The following KDM4C variants were observed in gnomAD, a reference collection of about 807,000 sequenced individuals.
KDM4C encodes lysine-specific demethylase 4C.
A neutral mutation model predicts 129.3 loss-of-function variants in KDM4C; 81 were observed. The observed-to-expected ratio is 0.63, with a 90% CI of 0.52 to 0.75. The LOEUF is 0.75. Ranked by LOEUF, KDM4C falls within the 30% of genes least tolerant of loss-of-function variation. KDM4C has a pLI of 0.00. For synonymous variants in KDM4C, 573 were observed against 456.1 expected, an observed-to-expected ratio of 1.26 and a Z score of -3.26; for missense variants, 1,457 against 1,304.0, an observed-to-expected ratio of 1.12 and a Z score of -1.81.
intron 8 of KDM4C, among the ~76,000 whole-genome samples, chr9:6,959,759 T>C (rs1267976292): frequency 6.6e-6 from 1 of 152,148 alleles, no homozygotes; most frequent in Non-Finnish European, 1.5e-5. Flanking sequence ...ATAAGTTGTT[T>C]ACACCAAATA....
intron 8 of KDM4C, among the ~76,000 whole-genome samples, chr9:6,966,348 A>T (rs1422019447): frequency 6.6e-6 from 1 of 152,126 alleles, no homozygotes; most frequent in Non-Finnish European, 1.5e-5. Flanking sequence ...GCGCCCAGCT[A>T]ATTTTTTGTA....
chr9:6,976,783 A>T (rs1823346815), intron 8 of KDM4C, among the ~76,000 whole-genome samples: 1 of 150,888 alleles, frequency 6.6e-6, no homozygotes, highest in African/African-American at 2.4e-5. Context: ...ATCCATTCCC[A>T]TTTCTTAAGG....
At chr9:7,043,991 T>C (rs1829003612) in intron 15 of KDM4C, among the ~76,000 whole-genome samples, 1 of 151,664 alleles carries the variant, frequency 6.6e-6, no homozygotes, top group Non-Finnish European at 1.5e-5. Context: ...ATACTCTCTA[T>C]TGGATATCAT....
At chr9:6,897,817 G>A (rs1816702470) in intron 8 of KDM4C, among the ~76,000 whole-genome samples, 2 of 152,150 alleles carry the variant, frequency 1.3e-5, no homozygotes, top group South Asian at 4.1e-4. Flanking sequence ...TTGAATGTTG[G>A]CATAACAGAG....
chr9:6,922,584 C>G (rs1589123864), intron 8 of KDM4C, among the ~76,000 whole-genome samples: 1 of 152,136 alleles, frequency 6.6e-6, no homozygotes, highest in African/African-American at 2.4e-5. Flanking sequence ...CCATCTCTAC[C>G]AAAAATACAA....
chr9:7,127,267 T>G (rs1840122737), intron 18 of KDM4C, among the ~76,000 whole-genome samples: 1 of 152,222 alleles, frequency 6.6e-6, no homozygotes, highest in Admixed American at 6.5e-5. Flanking sequence ...AAATTGTCTT[T>G]CACAGATTGC....
In KDM4C at chr9:7,148,322, G is replaced by A. The variant is rs532990762; in HGVS notation, c.2782-16916G>A. ...TTTCTCTCCTCCTTGCCCACAGTGC[G>A]GTGAGCCGGGGGGCCATGTTTCAGC... On this transcript the variant is annotated intron_variant, in intron 19 of 21. Coordinates refer to ENST00000381309, the MANE Select transcript of KDM4C (RefSeq NM_015061.6). Among the ~76,000 whole-genome samples the A allele has an allele frequency of 3.9e-5, 6 of 152,304 alleles. No homozygotes were observed. In the South Asian group the frequency reaches 6.2e-4, roughly 16 times the overall value.
At position 7,169,888 on chromosome 9, in the gene KDM4C, T is replaced by G; in HGVS notation, c.2992T>G (p.Phe998Val). The G allele has an allele frequency of 6.2e-7, 1 of 1,613,972 alleles. No individual in the cohort carries two copies. Among genetic ancestry groups the G allele is most frequent in the Non-Finnish European group, 8.5e-7 (1 of 1,179,904 alleles). Reference protein sequence around the residue: ...EELPKRVKARFSTASDMRFED... With the variant: ...EELPKRVKARVSTASDMRFED... The stretch of plus-strand genomic sequence containing the variant: ...GTTACCCAAGAGAGTGAAAGCTCGA[T>G]TTGTAAGTGCTGGCAGATGCCACTT... Residue 998 changes from phenylalanine (F) to valine (V), a missense_variant and splice_region_variant, in exon 21 of 22, where the codon TTT becomes GTT. Physicochemically the swap from Phe to Val is conservative, Grantham distance 50. Transcript: ENST00000381309.
At position 6,778,178 on chromosome 9, in the gene KDM4C, C is replaced by T. The variant is rs189937364; in HGVS notation, c.-17-14794C>T. Among the ~76,000 whole-genome samples, 671 of 151,724 alleles carry T rather than the reference C, an allele frequency of 4.4e-3. 3 individuals carry two copies. The highest frequency in any genetic ancestry group is 4.4e-3 in the Non-Finnish European group (301 of 67,928). On this transcript the variant is annotated intron_variant, in intron 1 of 21. Transcript: ENST00000381309. Reference sequence around the variant, plus strand: ...GATCTCGTCTTACTGCAACCTCTGCCTCCTGGGTTCAAGCAATTCTCCTGC... The same window carrying T: ...GATCTCGTCTTACTGCAACCTCTGCTTCCTGGGTTCAAGCAATTCTCCTGC...
intron 4 of KDM4C, chr9:6,835,355 G>A: frequency 9.5e-7 from 1 of 1,047,892 alleles, no homozygotes; most frequent in Non-Finnish European, 1.5e-6. Context: ...CTGTCTGGCG[G>A]CACCACCATG....
intron 2 of KDM4C, 34 bp from the exon 3 acceptor site, chr9:6,805,565 A>C: frequency 6.6e-7 from 1 of 1,505,272 alleles, no homozygotes; most frequent in Non-Finnish European, 9.1e-7. Flanking sequence ...GAGTATTTTC[A>C]AGATGATATT....
Position 6,807,655 on chromosome 9 carries a change from C to G in KDM4C, c.320+1881C>G, listed in dbSNP as rs545052265. Among the ~76,000 whole-genome samples, 8 of 149,384 alleles carry G rather than the reference C, an allele frequency of 5.4e-5. No individual in the cohort carries two copies. In the South Asian group the frequency reaches 1.7e-3, roughly 31 times the overall value. On this transcript the variant is annotated intron_variant, in intron 3 of 21. Transcript: ENST00000381309. ...GATACCCTCTGCCTGGCAACCACCC[C>G]GTCTGAGAAGTGAGGAGCCCATCCG...
chr9:6,814,390 T>G (rs980706317), intron 3 of KDM4C, among the ~76,000 whole-genome samples: 8 of 152,098 alleles, frequency 5.3e-5, no homozygotes, highest in Non-Finnish European at 1.2e-4. Context: ...CTGCTTCTAT[T>G]GTTGTTTTCG....
Position 6,933,318 on chromosome 9 carries a change from G to C in KDM4C, c.921+40086G>C, listed in dbSNP as rs1192064675. Reference sequence around the variant, plus strand: ...TCTGAAGGTGACATATTATGCCTAAGGGAAAGATAAATACCAGCATTACTT... The same window carrying C: ...TCTGAAGGTGACATATTATGCCTAACGGAAAGATAAATACCAGCATTACTT... On this transcript the variant is annotated intron_variant, in intron 8 of 21. Coordinates refer to ENST00000381309, the MANE Select transcript of KDM4C (RefSeq NM_015061.6). Among the ~76,000 whole-genome samples the C allele has an allele frequency of 2.6e-5, 4 of 152,288 alleles. No individual in the cohort carries two copies. The East Asian group carries it at 7.7e-4, about 29-fold the overall frequency.
chr9:6,916,995 A>G (rs1229759624), intron 8 of KDM4C, among the ~76,000 whole-genome samples: 1 of 152,196 alleles, frequency 6.6e-6, no homozygotes, highest in Non-Finnish European at 1.5e-5. Flanking sequence ...CTGCCTATTC[A>G]TATTCCACCC....
intron 15 of KDM4C, among the ~76,000 whole-genome samples, chr9:7,042,700 C>A (rs1323500067): frequency 6.6e-6 from 1 of 152,044 alleles, no homozygotes; most frequent in Non-Finnish European, 1.5e-5. Context: ...GCAGGCATTG[C>A]TTCTTGTTTA....
chr9:6,837,286 G>A (rs1400935791), intron 4 of KDM4C, among the ~76,000 whole-genome samples: 3 of 152,052 alleles, frequency 2.0e-5, no homozygotes, highest in Non-Finnish European at 4.4e-5. Flanking sequence ...CCAAACTCCT[G>A]GACTCAAGTG....
chr9:7,107,835 G>A (rs1037321067), intron 18 of KDM4C, among the ~76,000 whole-genome samples: 6 of 148,702 alleles, frequency 4.0e-5, no homozygotes, highest in Non-Finnish European at 3.0e-5. Flanking sequence ...TAGGTCATAA[G>A]GACAGAAAGT....
rs560662874 is a variant in KDM4C at position 6,951,684 on chromosome 9, G to A, written c.922-29241G>A. Among the ~76,000 whole-genome samples, 5 of 152,224 alleles carry A rather than the reference G, an allele frequency of 3.3e-5. No individual in the cohort carries two copies. The South Asian group carries it at 1.0e-3, about 32-fold the overall frequency. On this transcript the variant is annotated intron_variant, in intron 8 of 21. Transcript: ENST00000381309. ...GTATACAGTTTAGACATAACTTTGG[G>A]AAAACACTTAACTGTATTGAGAATT...
Sources: allele counts gnomAD v4.1 joint callset (sites outside exome capture counted in the v4.1 genomes callset), GRCh38; gene constraint gnomAD v4.1.1; transcripts MANE v1.5; gene names NCBI Gene and HGNC (gene_info 2026-07-23, HGNC 2026-07-21).